The following RANBP2 variants were observed in gnomAD, a reference collection of about 807,000 sequenced individuals.
The protein encoded by RANBP2 is RAN binding protein 2.
RANBP2 carries 57 observed loss-of-function variants against 303.6 expected under a neutral mutation model. That is an observed-to-expected ratio of 0.19 (90% CI 0.15 to 0.23). The LOEUF (loss-of-function observed/expected upper bound fraction) is 0.23. Ranked by LOEUF, RANBP2 falls within the 10% of genes least tolerant of loss-of-function variation. RANBP2 has a pLI of 1.00. For synonymous variants in RANBP2, 1,167 were observed against 1,301.5 expected (o/e 0.90, Z 2.23); for missense variants, 3,138 against 3,780.8 (o/e 0.83, Z 4.46).
chr2:109,562,322 C>T, the RANBP2 span, among the ~76,000 whole-genome samples: 1 of 152,008 alleles, frequency 6.6e-6, no homozygotes, highest in Non-Finnish European at 1.5e-5. Flanking sequence ...TCTTCTCATG[C>T]CTGGACCACC....
the RANBP2 span, among the ~76,000 whole-genome samples, chr2:109,712,064 G>A: frequency 1.3e-5 from 2 of 152,178 alleles, no homozygotes; most frequent in African/African-American, 2.4e-5. Context: ...GCAACACCAC[G>A]CTCCATTTTG....
the RANBP2 span, among the ~76,000 whole-genome samples, chr2:108,834,908 CTT>C: frequency 6.6e-6 from 1 of 152,196 alleles, no homozygotes; most frequent in African/African-American, 2.4e-5. Flanking sequence ...TGATTCTTCT[CTT>C]GATATTTCTT....
chr2:109,620,363 G>A, the RANBP2 span, among the ~76,000 whole-genome samples: 2 of 152,152 alleles, frequency 1.3e-5, no homozygotes, highest in African/African-American at 4.8e-5. Context: ...TATTAGAACT[G>A]TACTTCGTGA....
At position 108,753,076 on chromosome 2, in the gene RANBP2, T is replaced by C. The variant is rs1676030387; in HGVS notation, c.1834T>C (p.Leu612=). ...TCATTATTGGAAGAAAGTTTTGCCA[T>C]TGTTGAAGATAATAAAAAAGAAGAA... The part of the protein sequence containing the change: ...SVHYWKKVLP[L]LKIIKKKNSI... Residue 612 remains leucine, a synonymous_variant, in exon 13 of 29, where the codon TTG becomes CTG. Transcript: ENST00000283195. 1 of 1,609,744 alleles carries C rather than the reference T, an allele frequency of 6.2e-7. No homozygotes were observed. The highest frequency in any genetic ancestry group is 1.3e-5 in the African/African-American group (1 of 74,622).
chr2:109,072,033 T>G, the RANBP2 span, among the ~76,000 whole-genome samples: 1 of 152,324 alleles, frequency 6.6e-6, no homozygotes, highest in East Asian at 1.9e-4. Context: ...ACACAAAGTC[T>G]TATGGGAATA....
chr2:109,312,662 A>G, the RANBP2 span, among the ~76,000 whole-genome samples: 3 of 152,148 alleles, frequency 2.0e-5, no homozygotes, highest in African/African-American at 7.2e-5. Context: ...TTTACTTCGT[A>G]TTTTCGAAGT....
the RANBP2 span, among the ~76,000 whole-genome samples, chr2:109,375,021 C>T: frequency 6.6e-6 from 1 of 152,250 alleles, no homozygotes; most frequent in Non-Finnish European, 1.5e-5. Context: ...TGGCCTTGCA[C>T]TGCTTCAGCT....
the RANBP2 span, among the ~76,000 whole-genome samples, chr2:109,275,585 C>G: frequency 6.6e-6 from 1 of 152,126 alleles, no homozygotes; most frequent in Admixed American, 6.5e-5. Context: ...AAGAGTGCCC[C>G]GCACCCGCCG....
the RANBP2 span, among the ~76,000 whole-genome samples, chr2:109,396,725 C>A: frequency 6.6e-6 from 1 of 152,186 alleles, no homozygotes; most frequent in African/African-American, 2.4e-5. Flanking sequence ...GGGGACAGGC[C>A]CCTCCTGGCA....
At chr2:109,260,838 C>T in the RANBP2 span, among the ~76,000 whole-genome samples, 66 of 152,298 alleles carry the variant, frequency 4.3e-4, no homozygotes, top group African/African-American at 1.6e-3. Context: ...TCTTCCTCCC[C>T]TACAGAGAGT....
the RANBP2 span, among the ~76,000 whole-genome samples, chr2:109,249,647 C>CTCTTTCTTTCTTTCTTTCTTTCTTTCTT: frequency 9.6e-4 from 126 of 130,844 alleles, no homozygotes; most frequent in African/African-American, 3.6e-3. Context: ...CTCTGTTTCT[C>CTCTTTCTTTCTTTCTTTCTTTCTTTCTT]TCTTTCTTTC....
At chr2:109,023,324 A>G in the RANBP2 span, among the ~76,000 whole-genome samples, 1 of 152,254 alleles carries the variant, frequency 6.6e-6, no homozygotes, top group Admixed American at 6.5e-5. Context: ...ATGACCTAGG[A>G]AACAGAAGAA....
the RANBP2 span, among the ~76,000 whole-genome samples, chr2:109,492,007 G>GC: frequency 6.6e-6 from 1 of 152,072 alleles, no homozygotes; most frequent in Admixed American, 6.5e-5. Context: ...TAGTTTTCTA[G>GC]CTTCACAGGT....
At chr2:109,623,559 G>T in the RANBP2 span, among the ~76,000 whole-genome samples, 1 of 152,212 alleles carries the variant, frequency 6.6e-6, no homozygotes, top group African/African-American at 2.4e-5. Context: ...GAGTGACCCC[G>T]ATGGATGGCT....
At chr2:109,614,382 C>T in the RANBP2 span, 2 of 893,340 alleles carry the variant, frequency 2.2e-6, no homozygotes, top group Non-Finnish European at 2.9e-6. Flanking sequence ...AGGCTGGCAG[C>T]CCGCTGAGCC....
the RANBP2 span, among the ~76,000 whole-genome samples, chr2:109,193,055 A>G: frequency 2.6e-5 from 4 of 152,326 alleles, no homozygotes; most frequent in African/African-American, 9.6e-5. Flanking sequence ...GTGCCAAGAA[A>G]TTACTTAGTG....
At chr2:109,486,116 C>T in the RANBP2 span, among the ~76,000 whole-genome samples, 1 of 152,208 alleles carries the variant, frequency 6.6e-6, no homozygotes, top group African/African-American at 2.4e-5. Flanking sequence ...CCTTTCTTCA[C>T]CTTCCCAAGG....
chr2:109,415,333 A>G, the RANBP2 span, among the ~76,000 whole-genome samples: 4 of 152,322 alleles, frequency 2.6e-5, no homozygotes, highest in South Asian at 6.2e-4. Flanking sequence ...TCAAAATAAT[A>G]AGCAGGCTGC....
At chr2:109,624,901 C>G in the RANBP2 span, among the ~76,000 whole-genome samples, 3 of 151,428 alleles carry the variant, frequency 2.0e-5, no homozygotes, top group Non-Finnish European at 4.4e-5. Flanking sequence ...GCCAACATGG[C>G]GAAACCCCGT....
Sources: gnomAD v4.1 joint callset for allele counts (sites outside exome capture counted in the v4.1 genomes callset) on GRCh38, gnomAD v4.1.1 for gene constraint, MANE v1.5 for transcripts, NCBI Gene and HGNC (gene_info 2026-07-23, HGNC 2026-07-21) for gene names.